Variants in BMPR2 observed in about 807,000 individuals in gnomAD.
BMPR2 encodes bone morphogenetic protein receptor type-2.
Under a neutral mutation model 100.8 loss-of-function variants are expected in BMPR2, and 29 were observed. The ratio of observed to expected loss-of-function variants is 0.29; its 90% CI spans 0.21 to 0.39. The LOEUF (loss-of-function observed/expected upper bound fraction) is 0.39. BMPR2 is among the 10% of genes least tolerant of loss of function. BMPR2 has a pLI of 1.00. For missense variants in BMPR2, 1,011 were observed against 1,274.5 expected, an observed-to-expected ratio of 0.79 and a Z score of 3.15; for synonymous variants, 382 against 442.3, an observed-to-expected ratio of 0.86 and a Z score of 1.71.
intron 1 of BMPR2, among the ~76,000 whole-genome samples, chr2:202,428,146 A>G (rs1691429527): frequency 1.3e-5 from 2 of 152,176 alleles, no homozygotes; most frequent in African/African-American, 2.4e-5. Flanking sequence ...CTGTCTGCAG[A>G]TCAGTGTTTA....
intron 1 of BMPR2, among the ~76,000 whole-genome samples, chr2:202,412,836 C>A (rs1225215292): frequency 1.3e-5 from 2 of 152,048 alleles, no homozygotes; most frequent in Non-Finnish European, 2.9e-5. Flanking sequence ...TCAGTAATTA[C>A]TATTTCACTG....
rs778285208 is a variant in BMPR2, at chr2:202,556,132, A to G, written c.2467A>G (p.Thr823Ala). The stretch of plus-strand genomic sequence containing the variant: ...CAGTGTTAACTCCCATGCTGCCACA[A>G]CCCAATATGCCAATGGGACAGTACT... ...NHSVNSHAAT[T>A]QYANGTVLSG... is the part of the protein sequence containing the mutation. Residue 823 changes from threonine to alanine, a missense_variant, in exon 12 of 13, where the codon ACC becomes GCC. Transcript: ENST00000374580. 8 of 1,614,058 alleles carry G rather than the reference A, an allele frequency of 5.0e-6. No homozygotes were observed. Among genetic ancestry groups the G allele is most frequent in the South Asian group, 1.1e-5 (1 of 91,082 alleles).
intron 1 of BMPR2, among the ~76,000 whole-genome samples, chr2:202,459,521 G>A (rs924642989): frequency 2.0e-5 from 3 of 152,032 alleles, no homozygotes; most frequent in African/African-American, 7.3e-5. Flanking sequence ...CCCAGTGTGT[G>A]GGGTTCCCCT....
chr2:202,384,879 C>T (rs575941719), intron 1 of BMPR2, among the ~76,000 whole-genome samples: 1 of 152,160 alleles, frequency 6.6e-6, no homozygotes, highest in Admixed American at 6.6e-5. Context: ...AGACGTGAGC[C>T]ACCGCACCTG....
chr2:202,377,345 C>T lies in BMPR2; in HGVS notation c.-130C>T. The T allele has an allele frequency of 4.4e-6, 4 of 901,384 alleles. No homozygotes were observed. The highest frequency in any genetic ancestry group is 1.3e-5 in the South Asian group (1 of 75,822). 55.8% of individuals were successfully genotyped at this position (901,384 alleles called of 1,614,324 possible). ...TAGGTCCTCTCATCAGCCATTTGTC[C>T]TTTCAAACTGTATTGTGATACGGGC... On this transcript the variant is annotated 5_prime_UTR_variant, in exon 1 of 13. Coordinates refer to ENST00000374580, the MANE Select transcript of BMPR2 (RefSeq NM_001204.7).
chr2:202,377,071 C>A lies in BMPR2; in HGVS notation c.-404C>A. On this transcript the variant is annotated 5_prime_UTR_variant, in exon 1 of 13. Coordinates refer to ENST00000374580, the MANE Select transcript of BMPR2 (RefSeq NM_001204.7). ...TCGGGAACTAGTTCTGACCCTCGCCCCCCGACCCCGGATCGAATCCCCGCC... is the reference window on the plus strand; with the variant it reads ...TCGGGAACTAGTTCTGACCCTCGCCACCCGACCCCGGATCGAATCCCCGCC... 1 of 531,584 alleles carries A rather than the reference C, an allele frequency of 1.9e-6. No homozygotes were observed. The highest frequency in any genetic ancestry group is 3.3e-6 in the Non-Finnish European group (1 of 303,738). 32.9% of individuals were successfully genotyped at this position (531,584 alleles called of 1,614,324 possible). A position where few individuals can be genotyped will look rare whatever the true frequency, so the allele number is the denominator to read the frequency against.
intron 3 of BMPR2, among the ~76,000 whole-genome samples, chr2:202,476,583 G>T (rs1008954731): frequency 3.9e-5 from 6 of 152,106 alleles, no homozygotes; most frequent in African/African-American, 9.7e-5. Flanking sequence ...GAGTTCAGGA[G>T]TTGGAGACCA....
chr2:202,389,940 C>T (rs550830686), intron 1 of BMPR2, among the ~76,000 whole-genome samples: 18 of 147,604 alleles, frequency 1.2e-4, no homozygotes, highest in Admixed American at 1.1e-3. Flanking sequence ...GCACCTGGCC[C>T]ATTAAAAAGG....
Position 202,444,051 on chromosome 2 carries a change from T to C in BMPR2, c.77-20758T>C, listed in dbSNP as rs528992776. 3.3e-5 allele frequency among the ~76,000 whole-genome samples: 5 copies of C among 150,764 alleles called. 1 individual carries two copies. The highest frequency in any genetic ancestry group is 1.0e-4 in the African/African-American group (4 of 40,080). ...GGTTGTAGTGACAACCAAAAATGTC[T>C]CCAGACATCTCCAAATATCCCCTGG... On this transcript the variant is annotated intron_variant, in intron 1 of 12. Transcript: ENST00000374580.
rs542368214 is a variant in BMPR2, at chr2:202,440,221, A to G, written c.77-24588A>G. Reference sequence around the variant, plus strand: ...CCATCCTCATCGTGGCCCGTTCTCAATGAGCTGTTGGGTACACCTCCCAGA... The same window carrying G: ...CCATCCTCATCGTGGCCCGTTCTCAGTGAGCTGTTGGGTACACCTCCCAGA... On this transcript the variant is annotated intron_variant, in intron 1 of 12. Transcript: ENST00000374580. Among the ~76,000 whole-genome samples the G allele has an allele frequency of 1.6e-4, 24 of 150,750 alleles. 1 individual carries two copies. The highest frequency in any genetic ancestry group is 4.5e-4 in the African/African-American group (18 of 40,118).
chr2:202,552,667 C>T lies in BMPR2; in HGVS notation c.1414-49C>T, dbSNP rs1028273672. 3 of 1,551,990 alleles carry T rather than the reference C, an allele frequency of 1.9e-6. No individual in the cohort carries two copies. The Admixed American group carries it at 5.0e-5, about 26-fold the overall frequency. On this transcript the variant is annotated intron_variant, in intron 10 of 12. Transcript: ENST00000374580. Reference sequence around the variant, plus strand: ...ATGTGGTAAACTGAAAAGCTCAATACATTTTTTTTTTTAAAGACACATGGT... The same window carrying T: ...ATGTGGTAAACTGAAAAGCTCAATATATTTTTTTTTTTAAAGACACATGGT...
chr2:202,501,978 G>A (rs1472216965), intron 3 of BMPR2, among the ~76,000 whole-genome samples: 2 of 152,332 alleles, frequency 1.3e-5, no homozygotes, highest in East Asian at 1.9e-4. Flanking sequence ...AATGGGATAC[G>A]AAGGGTAGGT....
chr2:202,529,288 A>G (rs909658007), intron 7 of BMPR2, among the ~76,000 whole-genome samples: 16 of 152,236 alleles, frequency 1.1e-4, no homozygotes, highest in Admixed American at 1.0e-3. Flanking sequence ...TTCCTTTGAG[A>G]TATTTGCCTA....
At chr2:202,475,484 A>G (rs939708235) in intron 3 of BMPR2, among the ~76,000 whole-genome samples, 2 of 152,218 alleles carry the variant, frequency 1.3e-5, no homozygotes, top group African/African-American at 4.8e-5. Context: ...TGCATCCTTT[A>G]GGAAAATATT....
intron 1 of BMPR2, among the ~76,000 whole-genome samples, chr2:202,415,288 G>A (rs1691104123): frequency 6.6e-6 from 1 of 151,994 alleles, no homozygotes; most frequent in African/African-American, 2.4e-5. Context: ...TGACCAACAT[G>A]GAGAAACCCT....
At chr2:202,403,204 C>T (rs1690805839) in intron 1 of BMPR2, among the ~76,000 whole-genome samples, 1 of 141,022 alleles carries the variant, frequency 7.1e-6, no homozygotes, top group Non-Finnish European at 1.5e-5. Flanking sequence ...CCCCTCCCCT[C>T]CCCTCCTCTT....
At position 202,515,314 on chromosome 2, in the gene BMPR2, G is replaced by C. The variant is rs553616956; in HGVS notation, c.621+335G>C. On this transcript the variant is annotated intron_variant, in intron 5 of 12. Coordinates refer to ENST00000374580, the MANE Select transcript of BMPR2 (RefSeq NM_001204.7). ...GGGCCAGGCGCAGTGGCTCATGCCT[G>C]TAATCCCAGTACTTTGGGAGGTTGA... Among the ~76,000 whole-genome samples, 137 of 152,244 alleles carry C rather than the reference G, an allele frequency of 9.0e-4. 1 individual carries two copies. The highest frequency in any genetic ancestry group is 3.1e-3 in the African/African-American group (129 of 41,552).
rs1688749793 is a variant in BMPR2, at chr2:202,565,777, C to T, written c.*5831C>T. The stretch of plus-strand genomic sequence containing the variant: ...CACTTTTGAAATACTTATTATTTTG[C>T]AACATAGACTGGACTATACAACTTT... On this transcript the variant is annotated 3_prime_UTR_variant, in exon 13 of 13. Transcript: ENST00000374580. The T allele has an allele frequency of 6.6e-6, 1 of 152,196 alleles. No individual in the cohort carries two copies. The highest frequency in any genetic ancestry group is 2.4e-5 in the African/African-American group (1 of 41,440). 9.4% of individuals were successfully genotyped at this position (152,196 alleles called of 1,614,324 possible). A position where few individuals can be genotyped will look rare whatever the true frequency, so the allele number is the denominator to read the frequency against.
At chr2:202,505,454 C>G (rs1687502090) in intron 3 of BMPR2, 1 of 151,388 alleles carries the variant, frequency 6.6e-6, no homozygotes, top group South Asian at 2.1e-4. Context: ...CTCCTGAGCT[C>G]AAGCAACCCT....
Sources: allele counts gnomAD v4.1 joint callset (sites outside exome capture counted in the v4.1 genomes callset), GRCh38; gene constraint gnomAD v4.1.1; transcripts MANE v1.5; gene names NCBI Gene and HGNC (gene_info 2026-07-23, HGNC 2026-07-21).